MAD1L1: variants seen among roughly 807,000 people sequenced by gnomAD.
MAD1L1 encodes mitotic arrest deficient 1 like 1.
In MAD1L1, 95 loss-of-function variants were observed where a neutral mutation model predicts 96.9. That is an observed-to-expected ratio of 0.98 (90% CI 0.83 to 1.16). The LOEUF is 1.16. Ranked by LOEUF, MAD1L1 falls within the 50% of genes most tolerant of loss-of-function variation. MAD1L1 has a pLI of 0.00. For synonymous variants in MAD1L1, 473 were observed against 396.6 expected (o/e 1.19, Z -2.29); for missense variants, 1,007 against 954.4 (o/e 1.06, Z -0.73).
chr7:2,078,734 C>A (rs1290268078), intron 11 of MAD1L1, among the ~76,000 whole-genome samples: 1 of 152,206 alleles, frequency 6.6e-6, no homozygotes, highest in Non-Finnish European at 1.5e-5. Context: ...GCCACCCCCA[C>A]CCCACATCCC....
chr7:1,816,282 C>T (rs1781799661), intron 18 of MAD1L1, 54 bp from the exon 19 acceptor site: 3 of 1,549,772 alleles, frequency 1.9e-6, no homozygotes, highest in Admixed American at 3.4e-5. Context: ...CAGGCCTCTC[C>T]CTCTCCCCTC....
intron 15 of MAD1L1, among the ~76,000 whole-genome samples, chr7:1,972,557 T>C (rs1163251755): frequency 6.6e-6 from 1 of 152,118 alleles, no homozygotes; most frequent in Non-Finnish European, 1.5e-5. Context: ...TTTGGTGGTG[T>C]CTTTTTATTT....
At chr7:1,920,248 G>A (rs541840382) in intron 17 of MAD1L1, among the ~76,000 whole-genome samples, 201 of 152,332 alleles carry the variant, frequency 1.3e-3, no homozygotes, top group African/African-American at 4.6e-3. Flanking sequence ...GCGTGCGTGC[G>A]TGCGTGTGCA....
intron 17 of MAD1L1, among the ~76,000 whole-genome samples, chr7:1,899,292 T>C (rs1787095883): frequency 6.6e-6 from 1 of 152,230 alleles, no homozygotes; most frequent in Non-Finnish European, 1.5e-5. Flanking sequence ...TGGCTCCACT[T>C]AGACGCACAC....
At chr7:2,080,737 G>A (rs1392072547) in intron 11 of MAD1L1, among the ~76,000 whole-genome samples, 14 of 152,296 alleles carry the variant, frequency 9.2e-5, no homozygotes, top group South Asian at 2.1e-4. Context: ...GATGAGGTGC[G>A]GAGCCAGATT....
At chr7:1,850,350 AG>A (rs1310436876) in intron 18 of MAD1L1, among the ~76,000 whole-genome samples, 4 of 152,156 alleles carry the variant, frequency 2.6e-5, no homozygotes, top group Non-Finnish European at 5.9e-5. Flanking sequence ...CCTGCCTCCT[AG>A]GAACTCACCC....
chr7:2,145,599 G>C (rs1182620190), intron 11 of MAD1L1, among the ~76,000 whole-genome samples: 1 of 152,230 alleles, frequency 6.6e-6, no homozygotes, highest in African/African-American at 2.4e-5. Context: ...CCGAGATATG[G>C]TGTCATTTTC....
intron 16 of MAD1L1, among the ~76,000 whole-genome samples, chr7:1,944,734 C>T (rs1779152652): frequency 6.6e-6 from 1 of 152,198 alleles, no homozygotes; most frequent in Non-Finnish European, 1.5e-5. Flanking sequence ...CCCGTCGGCC[C>T]TCTCCCACTC....
In MAD1L1 at chr7:2,123,402, C is replaced by A. The variant is rs560302375; in HGVS notation, c.1073+25750G>T. ...GGAGACATTGCGGGAGGGCTCCCAG[C>A]AAGCGAAACTGGGCTGGGGTGCAGG... On this transcript the variant is annotated intron_variant, in intron 11 of 18. Transcript: ENST00000265854. Among the ~76,000 whole-genome samples, 13 of 152,192 alleles carry A rather than the reference C, an allele frequency of 8.5e-5. No homozygotes were observed. The South Asian group carries it at 2.7e-3, about 32-fold the overall frequency.
intron 13 of MAD1L1, among the ~76,000 whole-genome samples, chr7:2,010,998 G>A (rs1313706304): frequency 6.6e-6 from 1 of 152,078 alleles, no homozygotes; most frequent in Non-Finnish European, 1.5e-5. Context: ...ATCAAGAAGG[G>A]AAAAGGAGAC....
intron 18 of MAD1L1, among the ~76,000 whole-genome samples, chr7:1,828,598 C>T (rs1229262477): frequency 6.6e-6 from 1 of 152,216 alleles, no homozygotes; most frequent in Non-Finnish European, 1.5e-5. Flanking sequence ...AGACGCTGCC[C>T]TGCTCCCACC....
chr7:2,034,999 G>A (rs556120546), intron 12 of MAD1L1, among the ~76,000 whole-genome samples: 5 of 152,340 alleles, frequency 3.3e-5, no homozygotes, highest in African/African-American at 9.6e-5. Context: ...AGCAGCACAG[G>A]GGGCCACAAG....
intron 17 of MAD1L1, among the ~76,000 whole-genome samples, chr7:1,912,716 G>T (rs975879772): frequency 1.1e-4 from 17 of 152,276 alleles, no homozygotes; most frequent in Non-Finnish European, 1.5e-5. Context: ...CACCGCGCAC[G>T]CACCTCCCAG....
chr7:2,148,425 T>C (rs959799503), intron 11 of MAD1L1: 3 of 153,052 alleles, frequency 2.0e-5, no homozygotes, highest in East Asian at 3.8e-4. Context: ...CAGTCCCTCA[T>C]GGTAGCTCCA....
intron 18 of MAD1L1, among the ~76,000 whole-genome samples, chr7:1,851,852 G>A (rs541007441): frequency 1.3e-5 from 2 of 152,260 alleles, no homozygotes; most frequent in East Asian, 3.9e-4. Context: ...TGCCCAGGGA[G>A]CTAGAGTCGC....
chr7:2,040,984 TCTCA>T (rs1300837782), intron 12 of MAD1L1, among the ~76,000 whole-genome samples: 2 of 152,288 alleles, frequency 1.3e-5, no homozygotes, highest in African/African-American at 4.8e-5. Context: ...CACGTGTGTC[TCTCA>T]CTGTTGGCTG....
At chr7:1,999,503 C>A (rs1030690345) in intron 14 of MAD1L1, among the ~76,000 whole-genome samples, 3 of 152,198 alleles carry the variant, frequency 2.0e-5, no homozygotes, top group Non-Finnish European at 4.4e-5. Context: ...CAGACAGAAG[C>A]CTGACGCCCA....
intron 10 of MAD1L1, among the ~76,000 whole-genome samples, chr7:2,199,953 C>T (rs1792195689): frequency 6.6e-6 from 1 of 152,252 alleles, no homozygotes; most frequent in Admixed American, 6.5e-5. Context: ...CCCCTGCAGT[C>T]ACTGGTGACA....
chr7:1,901,562 A>G (rs1392689966), intron 17 of MAD1L1, among the ~76,000 whole-genome samples: 1 of 152,230 alleles, frequency 6.6e-6, no homozygotes, highest in East Asian at 1.9e-4. Context: ...ACAGTGGTGC[A>G]GCCTTCAGCG....
Sources: gnomAD v4.1 joint callset for allele counts (sites outside exome capture counted in the v4.1 genomes callset) on GRCh38, gnomAD v4.1.1 for gene constraint, MANE v1.5 for transcripts, NCBI Gene and HGNC (gene_info 2026-07-23, HGNC 2026-07-21) for gene names.